PEBP1: variants seen among roughly 807,000 people sequenced by gnomAD.
PEBP1 encodes phosphatidylethanolamine binding protein 1.
PEBP1 carries 17 observed loss-of-function variants against 22.7 expected under a neutral mutation model. That is an observed-to-expected ratio of 0.75 (90% CI 0.51 to 1.12). The LOEUF is 1.12. Ranked by LOEUF, PEBP1 falls within the 50% of genes most tolerant of loss-of-function variation. The pLI is 0.00. For missense variants in PEBP1, 205 were observed against 243.5 expected (o/e 0.84, Z 1.05); for synonymous variants, 106 against 104.3 (o/e 1.02, Z -0.10).
At position 118,136,372 on chromosome 12, in the gene PEBP1, G is replaced by A. The variant is rs895405437; in HGVS notation, c.135+28G>A. On this transcript the variant is annotated intron_variant, in intron 1 of 3. Coordinates refer to ENST00000261313, the MANE Select transcript of PEBP1 (RefSeq NM_002567.4). The surrounding 1 kb of genome is among the most constrained non-coding windows in gnomAD (Gnocchi z 5.6). ...ACACCGGGCGGCGGGCGTGCAGCGA[G>A]CGGCACGGCGCGGAGGCCTGTGCCG... 12 of 1,528,346 alleles carry A rather than the reference G, an allele frequency of 7.9e-6. No individual in the cohort carries two copies. Among genetic ancestry groups the A allele is most frequent in the Non-Finnish European group, 9.6e-6 (11 of 1,142,230 alleles). The allele number at this position is 1,528,346 out of a possible 1,614,324, so 94.7% of individuals were successfully genotyped here. A position where few individuals can be genotyped will look rare whatever the true frequency, so the allele number is the denominator to read the frequency against.
At chr12:118,138,663 T>G (rs1418689978) in intron 2 of PEBP1, among the ~76,000 whole-genome samples, 1 of 152,190 alleles carries the variant, frequency 6.6e-6, no homozygotes, top group Non-Finnish European at 1.5e-5. Flanking sequence ...CCCAAAGTGC[T>G]GGGATTACAG....
In PEBP1 at chr12:118,144,929, G is replaced by C; in HGVS notation, c.*126G>C. The C allele has an allele frequency of 1.3e-6, 2 of 1,554,182 alleles. No individual in the cohort carries two copies. Among genetic ancestry groups the C allele is most frequent in the Non-Finnish European group, 1.7e-6 (2 of 1,156,292 alleles). ...GGCATGGGTGAGACCTGACCAGTCA[G>C]ATGGTAGTTGAGGGTGACTTTTCCT... is the stretch of plus-strand genomic sequence containing the variant. On this transcript the variant is annotated 3_prime_UTR_variant, in exon 4 of 4. Transcript: ENST00000261313.
chr12:118,143,905 C>G lies in PEBP1; in HGVS notation c.347-681C>G, dbSNP rs368998163. Among the ~76,000 whole-genome samples, 5 of 112,260 alleles carry G rather than the reference C, an allele frequency of 4.5e-5. 1 individual carries two copies. In the South Asian group the frequency reaches 1.5e-3, roughly 34 times the overall value. 73.6% of individuals were successfully genotyped at this position (112,260 alleles called of 152,430 possible). A position where few individuals can be genotyped will look rare whatever the true frequency, so the allele number is the denominator to read the frequency against. On this transcript the variant is annotated intron_variant, in intron 3 of 3. Transcript: ENST00000261313. ...TAGGCAACAGAGTGAGACTCCGTCT[C>G]AAAAAAAAAAAAAAAACCCACTTTT...
chr12:118,143,921 A>AC (rs1555280390), intron 3 of PEBP1, among the ~76,000 whole-genome samples: 2 of 149,782 alleles, frequency 1.3e-5, no homozygotes, highest in South Asian at 2.1e-4. Context: ...AAAAAAAAAA[A>AC]CCCACTTTTT....
chr12:118,142,632 A>G (rs888354779), intron 3 of PEBP1, among the ~76,000 whole-genome samples: 1 of 151,618 alleles, frequency 6.6e-6, no homozygotes, highest in African/African-American at 2.4e-5. Context: ...ACGTGCCACC[A>G]TGTCTGGCTA....
At chr12:118,138,888 C>T (rs1354034760) in intron 2 of PEBP1, 1 of 149,356 alleles carries the variant, frequency 6.7e-6, no homozygotes, top group Non-Finnish European at 1.5e-5. Context: ...CTGTGGCCCC[C>T]AAAGCTTAAC....
rs2034064149 is a variant in PEBP1 at position 118,136,725 on chromosome 12, C to T, written c.135+381C>T. The stretch of plus-strand genomic sequence containing the variant: ...GGCTGCCCGGACGCCCCCAGAGCTT[C>T]CCCTAGGGCCTCAGCATTTTAGGCC... On this transcript the variant is annotated intron_variant, in intron 1 of 3. Transcript: ENST00000261313. The surrounding 1 kb of genome is among the most constrained non-coding windows in gnomAD (Gnocchi z 5.6). Among the ~76,000 whole-genome samples, 1 of 152,244 alleles carries T rather than the reference C, an allele frequency of 6.6e-6. No individual in the cohort carries two copies. The highest frequency in any genetic ancestry group is 6.5e-5 in the Admixed American group (1 of 15,282).
chr12:118,136,850 A>G lies in PEBP1; in HGVS notation c.135+506A>G, dbSNP rs1006347522. On this transcript the variant is annotated intron_variant, in intron 1 of 3. Transcript: ENST00000261313. This position sits in a 1 kb window ranked among gnomAD's most constrained non-coding sequence, Gnocchi z 5.6. ...TTTCTCCTTTGTTAAATGGGTCGAG[A>G]GCGTCCAGCCGGTACGCTGGAGGGC... Among the ~76,000 whole-genome samples, 32 of 152,104 alleles carry G rather than the reference A, an allele frequency of 2.1e-4. No homozygotes were observed. The highest frequency in any genetic ancestry group is 1.2e-4 in the Non-Finnish European group (8 of 68,020).
Position 118,139,139 on chromosome 12 carries a change from C to T in PEBP1, c.246-312C>T, listed in dbSNP as rs1189103059. On this transcript the variant is annotated intron_variant, in intron 2 of 3. Coordinates refer to ENST00000261313, the MANE Select transcript of PEBP1 (RefSeq NM_002567.4). ...ACCAGTCTGGCCAACATGGTGAAAC[C>T]CCGTCTCTACTAAAAATACGAAAAT... 1.3e-5 allele frequency: 4 copies of T among 317,210 alleles called. No individual in the cohort carries two copies. In the East Asian group the frequency reaches 4.2e-4, roughly 33 times the overall value. 19.6% of individuals were successfully genotyped at this position (317,210 alleles called of 1,614,324 possible).
At position 118,136,349 on chromosome 12, in the gene PEBP1, A is replaced by G. The variant is rs1456241811; in HGVS notation, c.135+5A>G. 1.3e-6 allele frequency: 2 copies of G among 1,538,602 alleles called. No homozygotes were observed. Among genetic ancestry groups the G allele is most frequent in the African/African-American group, 2.8e-5 (2 of 72,662 alleles). On this transcript the variant is annotated splice_donor_5th_base_variant and intron_variant, in intron 1 of 3. Transcript: ENST00000261313. This position sits in a 1 kb window ranked among gnomAD's most constrained non-coding sequence, Gnocchi z 5.6. Reference sequence around the variant, plus strand: ...AAAGTGCTGACGCCCACCCAGGTACACCGGGCGGCGGGCGTGCAGCGAGCG... The same window carrying G: ...AAAGTGCTGACGCCCACCCAGGTACGCCGGGCGGCGGGCGTGCAGCGAGCG...
At chr12:118,139,408 C>T (rs1254039462) in intron 2 of PEBP1, 43 bp from the exon 3 acceptor site, 3 of 1,383,184 alleles carry the variant, frequency 2.2e-6, no homozygotes, top group African/African-American at 1.4e-5. Context: ...GTGAATGTTC[C>T]CTGATCTCCT....
At chr12:118,140,728 C>T (rs1035542425) in intron 3 of PEBP1, among the ~76,000 whole-genome samples, 9 of 152,044 alleles carry the variant, frequency 5.9e-5, no homozygotes, top group Admixed American at 3.3e-4. Flanking sequence ...TTAGTAGAGA[C>T]GGGGTTTCAC....
At chr12:118,143,155 A>C (rs2034128360) in intron 3 of PEBP1, among the ~76,000 whole-genome samples, 1 of 152,120 alleles carries the variant, frequency 6.6e-6, no homozygotes, top group Admixed American at 6.6e-5. Context: ...CCCGACCACT[A>C]CATTCACATT....
At position 118,137,292 on chromosome 12, in the gene PEBP1, A is replaced by C. The variant is rs143781117; in HGVS notation, c.136-747A>C. Among the ~76,000 whole-genome samples, 980 of 152,210 alleles carry C rather than the reference A, an allele frequency of 6.4e-3. 12 individuals are homozygous for C. The highest frequency in any genetic ancestry group is 0.023 in the African/African-American group (940 of 41,522). ...GTGCCAGGGTTGGAATCCCAGCCTT[A>C]TCTGTTTCTCTTAATAGTGTGCTGG... On this transcript the variant is annotated intron_variant, in intron 1 of 3. Transcript: ENST00000261313.
rs1353014341 is a variant in PEBP1 at position 118,144,587 on chromosome 12, C to G, written c.348C>G (p.Gly116=). 2.7e-5 allele frequency: 43 copies of G among 1,611,758 alleles called. No homozygotes were observed. The highest frequency in any genetic ancestry group is 3.4e-5 in the Non-Finnish European group (40 of 1,179,020). The change falls in exon 4 of 4, where the codon GGC becomes GGG. Residue 116 remains glycine (G), a splice_region_variant and synonymous_variant. Coordinates refer to ENST00000261313, the MANE Select transcript of PEBP1 (RefSeq NM_002567.4). The part of the protein sequence containing the change: ...YVGSGPPKGT[G]LHRYVWLVYE... ...TCTTCCCTCTGCCTCTCCCCACAGG[C>G]CTCCACCGCTATGTCTGGCTGGTTT...
intron 3 of PEBP1, 43 bp downstream of exon 3, chr12:118,139,594 C>T (rs1202236312): frequency 7.3e-6 from 9 of 1,230,992 alleles, no homozygotes; most frequent in South Asian, 3.7e-5. Flanking sequence ...GGAGGGAGCT[C>T]GGGGGCACAT....
chr12:118,143,389 G>T (rs1327881649), intron 3 of PEBP1, among the ~76,000 whole-genome samples: 1 of 152,164 alleles, frequency 6.6e-6, no homozygotes, highest in African/African-American at 2.4e-5. Flanking sequence ...TGTAGCATGT[G>T]TCTGAATTTC....
At chr12:118,144,512 T>A (rs980105930) in intron 3 of PEBP1, 74 bp from the exon 4 acceptor site, 1 of 1,435,754 alleles carries the variant, frequency 7.0e-7, no homozygotes, top group Non-Finnish European at 9.6e-7. Flanking sequence ...GTTGAAACAT[T>A]CGATAAAAAT....
intron 3 of PEBP1, 41 bp from the exon 4 acceptor site, chr12:118,144,545 G>T (rs1428868518): frequency 1.3e-6 from 2 of 1,568,320 alleles, no homozygotes; most frequent in Non-Finnish European, 1.7e-6. Context: ...CATCTCAAGT[G>T]CTGGGCTGTG....
Sources: gnomAD v4.1 joint callset for allele counts (sites outside exome capture counted in the v4.1 genomes callset) on GRCh38, gnomAD v4.1.1 for gene constraint, Gnocchi (gnomAD v3.1) non-coding constraint, MANE v1.5 for transcripts, NCBI Gene and HGNC (gene_info 2026-07-23, HGNC 2026-07-21) for gene names.